The following USP34 variants were observed in gnomAD, a reference collection of about 807,000 sequenced individuals.
USP34 encodes ubiquitin specific peptidase 34, also known as ubiquitin carboxyl-terminal hydrolase 34.
USP34 carries 70 observed loss-of-function variants against 460.3 expected under a neutral mutation model. The ratio of observed to expected loss-of-function variants is 0.15; its 90% confidence interval spans 0.13 to 0.19. The LOEUF is 0.19. Among genes scored for constraint, USP34 ranks in the 10% least tolerant of loss-of-function variants. The pLI is 1.00. For missense variants in USP34, 3,985 were observed against 4,236.2 expected, an observed-to-expected ratio of 0.94 and a Z score of 1.65; for synonymous variants, 1,647 against 1,405.3, an observed-to-expected ratio of 1.17 and a Z score of -3.85.
chr2:61,297,827 C>A (rs116734549), intron 29 of USP34, among the ~76,000 whole-genome samples: 2 of 152,106 alleles, frequency 1.3e-5, no homozygotes, highest in African/African-American at 4.8e-5. Flanking sequence ...ACTGCAACCT[C>A]CGCCTCCCGG....
chr2:61,387,898 T>C (rs1255422468), intron 5 of USP34, among the ~76,000 whole-genome samples: 1 of 149,620 alleles, frequency 6.7e-6, no homozygotes, highest in South Asian at 2.1e-4. Context: ...AATATATTTT[T>C]ATATATAAGC....
chr2:61,401,771 G>C lies in USP34; in HGVS notation c.552+3937C>G, dbSNP rs1329851216. ...GACAGCGTTTTACCGTGTTAGCCAG[G>C]ATGGTCTCGATATCCTGACCTTGTG... On this transcript the variant is annotated intron_variant, in intron 3 of 79. Coordinates refer to ENST00000398571, the MANE Select transcript of USP34 (RefSeq NM_014709.4). 4.1e-5 allele frequency among the ~76,000 whole-genome samples: 6 copies of C among 147,746 alleles called. No individual in the cohort carries two copies. In the East Asian group the frequency reaches 1.2e-3, roughly 30 times the overall value.
chr2:61,278,867 C>T (rs1170554580), intron 39 of USP34, among the ~76,000 whole-genome samples: 6 of 151,794 alleles, frequency 4.0e-5, no homozygotes, highest in Admixed American at 2.0e-4. Flanking sequence ...CACAATTCAC[C>T]GTTTGTTTTA....
intron 2 of USP34, among the ~76,000 whole-genome samples, chr2:61,419,729 A>T (rs1694303179): frequency 6.6e-6 from 1 of 152,198 alleles, no homozygotes; most frequent in Non-Finnish European, 1.5e-5. Flanking sequence ...AAAACTCAAG[A>T]TTATGACTCA....
intron 27 of USP34, among the ~76,000 whole-genome samples, chr2:61,302,689 T>C (rs1457552049): frequency 2.0e-5 from 3 of 152,212 alleles, no homozygotes; most frequent in Non-Finnish European, 4.4e-5. Context: ...CCATTCTATA[T>C]CATTTAACTA....
chr2:61,221,846 A>G, intron 65 of USP34: 1 of 350,320 alleles, frequency 2.9e-6, no homozygotes, highest in Non-Finnish European at 5.1e-6. Context: ...ATTTTGGAAA[A>G]GATAATTATA....
chr2:61,290,478 T>C (rs942298762), intron 33 of USP34, among the ~76,000 whole-genome samples: 5 of 152,158 alleles, frequency 3.3e-5, no homozygotes, highest in Non-Finnish European at 7.4e-5. Flanking sequence ...GGTATACCTA[T>C]ACAACGAATA....
intron 23 of USP34, among the ~76,000 whole-genome samples, chr2:61,316,722 T>C (rs933305882): frequency 7.9e-5 from 12 of 151,754 alleles, no homozygotes; most frequent in Non-Finnish European, 1.6e-4. Flanking sequence ...CCACCTATAC[T>C]AAAAATACAA....
chr2:61,283,304 G>A lies in USP34; in HGVS notation c.4874-35C>T, dbSNP rs200665414. 5 of 1,599,092 alleles carry A rather than the reference G, an allele frequency of 3.1e-6. No individual in the cohort carries two copies. In the Admixed American group the frequency reaches 8.6e-5, roughly 28 times the overall value. ...AATTAGAAAACAGTTCACTATAAAA[G>A]GTTTGTGCTAAAATGAAAACACAAT... is the stretch of plus-strand genomic sequence containing the variant. On this transcript the variant is annotated intron_variant, in intron 36 of 79. Coordinates refer to ENST00000398571, the MANE Select transcript of USP34 (RefSeq NM_014709.4).
chr2:61,396,274 A>AAT (rs577319654), intron 3 of USP34, among the ~76,000 whole-genome samples: 69 of 152,268 alleles, frequency 4.5e-4, no homozygotes, highest in Non-Finnish European at 9.1e-4. Flanking sequence ...TGGTGAGTAT[A>AAT]AGTTCGTATG....
At chr2:61,265,226 C>T (rs1008179313) in intron 43 of USP34, 171 bp downstream of exon 43, 2 of 699,532 alleles carry the variant, frequency 2.9e-6, no homozygotes, top group African/African-American at 3.6e-5. Flanking sequence ...TATGAGTAAT[C>T]TACTAAAATG....
chr2:61,394,750 C>A, intron 5 of USP34, 103 bp downstream of exon 5: 1 of 870,784 alleles, frequency 1.1e-6, no homozygotes, highest in Non-Finnish European at 1.6e-6. Context: ...AAAAATTACA[C>A]ATGCAAATCA....
At chr2:61,438,136 C>A (rs1214438779) in intron 1 of USP34, among the ~76,000 whole-genome samples, 1 of 152,114 alleles carries the variant, frequency 6.6e-6, no homozygotes, top group Non-Finnish European at 1.5e-5. Flanking sequence ...TCCAACAACA[C>A]ATCAAAATGT....
intron 10 of USP34, among the ~76,000 whole-genome samples, chr2:61,363,641 G>A (rs1047952876): frequency 2.0e-5 from 3 of 152,102 alleles, no homozygotes; most frequent in East Asian, 1.9e-4. Flanking sequence ...ATAATCTTAC[G>A]GGAACACTGT....
intron 1 of USP34, among the ~76,000 whole-genome samples, chr2:61,429,998 G>A (rs1325707022): frequency 1.3e-5 from 2 of 152,184 alleles, no homozygotes; most frequent in South Asian, 2.1e-4. Flanking sequence ...TGGATCACGA[G>A]GTCAGGAGAT....
At chr2:61,453,194 A>G (rs1695336084) in intron 1 of USP34, among the ~76,000 whole-genome samples, 1 of 151,332 alleles carries the variant, frequency 6.6e-6, no homozygotes, top group Non-Finnish European at 1.5e-5. Context: ...GTGGATTGCT[A>G]GAGCCCATGA....
At chr2:61,202,731 T>C (rs1373420155) in intron 75 of USP34, among the ~76,000 whole-genome samples, 1 of 152,154 alleles carries the variant, frequency 6.6e-6, no homozygotes, top group Non-Finnish European at 1.5e-5. Context: ...GCTCTTGCCA[T>C]TGCCAGCTCC....
At position 61,347,955 on chromosome 2, in the gene USP34, T is replaced by C. The variant is rs763951677; in HGVS notation, c.2200A>G (p.Ile734Val). The change falls in exon 15 of 80, where the codon ATT becomes GTT. Residue 734 changes from isoleucine (I) to valine (V), a missense_variant. Around this residue, in one of 14 missense-constraint regions of USP34, gnomAD observed 716 missense variants for 626.2 expected, o/e 1.14. Coordinates refer to ENST00000398571, the MANE Select transcript of USP34 (RefSeq NM_014709.4). Reference protein sequence around the residue: ...TRTGDFLGETIGNELFNCRQF... With the variant: ...TRTGDFLGETVGNELFNCRQF... ...CGACAATTAAATAATTCATTCCCAA[T>C]AGTCTCCCCAAGGAAGTCCCCAGTT... 33 of 1,613,970 alleles carry C rather than the reference T, an allele frequency of 2.0e-5. No homozygotes were observed. Among genetic ancestry groups the C allele is most frequent in the Non-Finnish European group, 2.3e-5 (27 of 1,180,000 alleles).
chr2:61,300,671 C>T (rs1301798275), intron 29 of USP34, among the ~76,000 whole-genome samples: 5 of 151,410 alleles, frequency 3.3e-5, no homozygotes, highest in Admixed American at 6.6e-5. Context: ...TTGCACACGC[C>T]GGTAATCCCA....
Sources: allele counts gnomAD v4.1 joint callset (sites outside exome capture counted in the v4.1 genomes callset), GRCh38; gene constraint gnomAD v4.1.1; regional missense constraint gnomAD v4.1.1; transcripts MANE v1.5; gene names NCBI Gene and HGNC (gene_info 2026-07-23, HGNC 2026-07-21).